The following WDR33 variants were observed in gnomAD, a reference collection of about 807,000 sequenced individuals.
WDR33 encodes WD repeat domain 33, also known as pre-mRNA 3' end processing protein WDR33.
WDR33 carries 47 observed loss-of-function variants against 164.9 expected under a neutral mutation model. The ratio of observed to expected loss-of-function variants is 0.29; its 90% CI spans 0.23 to 0.36. The LOEUF (loss-of-function observed/expected upper bound fraction) is 0.36, where lower values mean the gene tolerates loss of function less well. Ranked by LOEUF, WDR33 falls within the 10% of genes least tolerant of loss-of-function variation. WDR33 has a pLI of 1.00. For synonymous variants in WDR33, 505 were observed against 589.0 expected (o/e 0.86, Z 2.06); for missense variants, 1,137 against 1,754.1 (o/e 0.65, Z 6.28).
intron 7 of WDR33, among the ~76,000 whole-genome samples, chr2:127,734,515 C>A (rs1483984584): frequency 6.6e-6 from 1 of 152,196 alleles, no homozygotes; most frequent in Non-Finnish European, 1.5e-5. Flanking sequence ...GTACAGCAAA[C>A]AGGAAGTAAA....
chr2:127,706,332 C>G lies in WDR33; in HGVS notation c.4002G>C (p.Arg1334Ser), dbSNP rs1190829567. Residue 1334 changes from arginine (R) to serine (S), a missense_variant, in exon 22 of 22, where the codon AGG becomes AGC. Arg to Ser is a moderately radical substitution (Grantham distance 110). Coordinates refer to ENST00000322313, the MANE Select transcript of WDR33 (RefSeq NM_018383.5). The surrounding 1 kb of genome is among the most constrained non-coding windows in gnomAD (Gnocchi z 5.1). ...PRRGASRGGG[R>S]GR ...TACTCAGTTCCAGCTTCTACCGACC[C>G]CTTCCACCACCCCGTGAAGCTCCTC... 1 of 1,567,676 alleles carries G rather than the reference C, an allele frequency of 6.4e-7. No homozygotes were observed. The highest frequency in any genetic ancestry group is 2.3e-5 in the East Asian group (1 of 44,336).
Position 127,735,372 on chromosome 2 carries a change from AAC to A in WDR33, c.725-8597_725-8596del. 1.0e-6 allele frequency: 1 copy of A among 985,722 alleles called. No individual in the cohort carries two copies. The highest frequency in any genetic ancestry group is 1.2e-6 in the Non-Finnish European group (1 of 829,834). The allele number at this position is 985,722 out of a possible 1,614,324, so 61.1% of individuals were successfully genotyped here. On this transcript the variant is annotated intron_variant, in intron 7 of 21. Transcript: ENST00000322313. The surrounding 1 kb of genome is among the most constrained non-coding windows in gnomAD (Gnocchi z 4.3). Reference sequence around the variant, plus strand: ...GTCCATAGGATCCCAAAGCTCGGTGAACAGTCTGAAAACCAATACATAATAAG... The same window carrying A: ...GTCCATAGGATCCCAAAGCTCGGTGAAGTCTGAAAACCAATACATAATAAG...
intron 1 of WDR33, among the ~76,000 whole-genome samples, chr2:127,802,758 C>T (rs1194889821): frequency 6.6e-6 from 1 of 152,004 alleles, no homozygotes; most frequent in Non-Finnish European, 1.5e-5. Context: ...GAGGGAGGAA[C>T]CGATGACCCC....
chr2:127,758,604 T>G (rs79280743), intron 7 of WDR33, among the ~76,000 whole-genome samples: 1 of 152,180 alleles, frequency 6.6e-6, no homozygotes, highest in African/African-American at 2.4e-5. Flanking sequence ...CGCTGAAACT[T>G]GTTAACTGAT....
intron 1 of WDR33, among the ~76,000 whole-genome samples, chr2:127,805,977 G>C (rs886372588): frequency 4.0e-5 from 6 of 151,204 alleles, no homozygotes; most frequent in Non-Finnish European, 8.8e-5. Context: ...CGCAGGTGTG[G>C]TGGCTCACAC....
chr2:127,759,414 G>A (rs1231878870), intron 7 of WDR33, among the ~76,000 whole-genome samples: 1 of 152,198 alleles, frequency 6.6e-6, no homozygotes. Context: ...CTACAGGCCA[G>A]GCACGGTGGC....
In WDR33 at chr2:127,703,656, G is replaced by GT. The variant is rs1183976412; in HGVS notation, c.*2666dup. ...GGCTGCTTGTGAGAGAGCAAATGCAGTATCTTCAGAATGATTTATTTTTTT... is the reference window on the plus strand; with the variant it reads ...GGCTGCTTGTGAGAGAGCAAATGCAGTTATCTTCAGAATGATTTATTTTTTT... On this transcript the variant is annotated 3_prime_UTR_variant, in exon 22 of 22. Transcript: ENST00000322313. 4.8e-5 allele frequency: 8 copies of GT among 167,048 alleles called. No individual in the cohort carries two copies. The Admixed American group carries it at 5.2e-4, about 11-fold the overall frequency. 10.3% of individuals were successfully genotyped at this position (167,048 alleles called of 1,614,324 possible).
intron 7 of WDR33, among the ~76,000 whole-genome samples, chr2:127,730,182 A>G (rs922630807): frequency 6.6e-6 from 1 of 152,238 alleles, no homozygotes; most frequent in African/African-American, 2.4e-5. Context: ...CTTACTTGAT[A>G]ACAGTGGATT....
At position 127,716,148 on chromosome 2, in the gene WDR33, A is replaced by G. The variant is rs915025107; in HGVS notation, c.2869+1007T>C. On this transcript the variant is annotated intron_variant, in intron 17 of 21. Transcript: ENST00000322313. The surrounding 1 kb of genome is among the most constrained non-coding windows in gnomAD (Gnocchi z 4.5). ...TGCTACCACTTCCACACAATGGGAC[A>G]GAAATAAACACTCTCTAGTTCCCTT... Among the ~76,000 whole-genome samples, 103 of 152,336 alleles carry G rather than the reference A, an allele frequency of 6.8e-4. No homozygotes were observed. The highest frequency in any genetic ancestry group is 2.5e-3 in the African/African-American group (102 of 41,556).
In WDR33 at chr2:127,720,818, C is replaced by G. The variant is rs141464006; in HGVS notation, c.1672-465G>C. ...CAGCTGATCCTCCCGCCTCGCCTCCCAAAGTGCTGGGATTACAGGCGTGAG... is the reference window on the plus strand; with the variant it reads ...CAGCTGATCCTCCCGCCTCGCCTCCGAAAGTGCTGGGATTACAGGCGTGAG... On this transcript the variant is annotated intron_variant, in intron 15 of 21. Coordinates refer to ENST00000322313, the MANE Select transcript of WDR33 (RefSeq NM_018383.5). This position sits in a 1 kb window ranked among gnomAD's most constrained non-coding sequence, Gnocchi z 5.9. 0.024 allele frequency among the ~76,000 whole-genome samples: 3,612 copies of G among 152,304 alleles called. 140 individuals carry two copies. The highest frequency in any genetic ancestry group is 0.082 in the African/African-American group (3,401 of 41,548).
In WDR33 at chr2:127,738,034, G is replaced by A. The variant is rs753332052; in HGVS notation, c.725-11257C>T. ...CTCTTGACAGAAAGGAAGTAACAAC[G>A]GCAGTGATGAAAACATGTATCTATC... is the stretch of plus-strand genomic sequence containing the variant. On this transcript the variant is annotated intron_variant, in intron 7 of 21. Coordinates refer to ENST00000322313, the MANE Select transcript of WDR33 (RefSeq NM_018383.5). The surrounding 1 kb of genome is among the most constrained non-coding windows in gnomAD (Gnocchi z 4.4). 5.6e-6 allele frequency: 9 copies of A among 1,612,844 alleles called. No homozygotes were observed. The highest frequency in any genetic ancestry group is 2.2e-5 in the East Asian group (1 of 44,782).
chr2:127,754,892 T>C (rs959787234), intron 7 of WDR33, among the ~76,000 whole-genome samples: 7 of 152,330 alleles, frequency 4.6e-5, no homozygotes, highest in African/African-American at 1.7e-4. Flanking sequence ...AAGTCTCTTT[T>C]AACCCAGCTA....
Position 127,768,290 on chromosome 2 carries a change from C to A in WDR33, c.277G>T (p.Val93Phe). 6.5e-7 allele frequency: 1 copy of A among 1,537,270 alleles called. No individual in the cohort carries two copies. The highest frequency in any genetic ancestry group is 1.3e-5 in the South Asian group (1 of 77,764). The change falls in exon 4 of 22, where the codon GTC becomes TTC. Residue 93 changes from valine to phenylalanine, a missense_variant. Around this residue, in one of 9 missense-constraint regions of WDR33, gnomAD observed 55 missense variants for 84.6 expected, o/e 0.65. Transcript: ENST00000322313. The part of the protein sequence containing the change: ...QPDAGYYNDL[V>F]PPIGMLNNPM... ...TTATTCAACATTCCTATAGGTGGGA[C>A]CAGCTACAAAAAAGGAAAATTGGGT...
Position 127,709,941 on chromosome 2 carries a change from G to A in WDR33, c.3309-85C>T. On this transcript the variant is annotated intron_variant, in intron 18 of 21. Transcript: ENST00000322313. This position sits in a 1 kb window ranked among gnomAD's most constrained non-coding sequence, Gnocchi z 5.0. ...TGTTTCAAAGAAGCATATGATATGAGAAAGCATGATACAATGTTAATTGGG... is the reference window on the plus strand; with the variant it reads ...TGTTTCAAAGAAGCATATGATATGAAAAAGCATGATACAATGTTAATTGGG... The A allele has an allele frequency of 6.7e-7, 1 of 1,482,380 alleles. No homozygotes were observed. 91.8% of individuals were successfully genotyped at this position (1,482,380 alleles called of 1,614,324 possible). A position where few individuals can be genotyped will look rare whatever the true frequency, so the allele number is the denominator to read the frequency against.
rs186882121 is a variant in WDR33, at chr2:127,734,155, T to C, written c.725-7378A>G. 6.7e-4 allele frequency among the ~76,000 whole-genome samples: 102 copies of C among 152,344 alleles called. 1 individual carries two copies. The highest frequency in any genetic ancestry group is 4.7e-3 in the Admixed American group (72 of 15,300). The stretch of plus-strand genomic sequence containing the variant: ...ATTTAGGGATAAATACATAATTCTT[T>C]TGACTATTTAATAAGTAAACATATT... On this transcript the variant is annotated intron_variant, in intron 7 of 21. Coordinates refer to ENST00000322313, the MANE Select transcript of WDR33 (RefSeq NM_018383.5).
At chr2:127,768,871 A>T in intron 3 of WDR33, 62 bp downstream of exon 3, 1 of 1,301,588 alleles carries the variant, frequency 7.7e-7, no homozygotes, top group Non-Finnish European at 1.1e-6. Context: ...TCACACAGTG[A>T]AGGCTAAAAT....
intron 7 of WDR33, among the ~76,000 whole-genome samples, chr2:127,745,419 A>G (rs1453726380): frequency 6.6e-6 from 1 of 152,198 alleles, no homozygotes; most frequent in African/African-American, 2.4e-5. Context: ...AACATACTGA[A>G]CACAAAATCA....
At position 127,714,855 on chromosome 2, in the gene WDR33, T is replaced by C. The variant is rs1349235832; in HGVS notation, c.2870-834A>G. 1.3e-5 allele frequency among the ~76,000 whole-genome samples: 2 copies of C among 152,242 alleles called. No individual in the cohort carries two copies. Among genetic ancestry groups the C allele is most frequent in the South Asian group, 4.1e-4 (2 of 4,830 alleles). On this transcript the variant is annotated intron_variant, in intron 17 of 21. Coordinates refer to ENST00000322313, the MANE Select transcript of WDR33 (RefSeq NM_018383.5). The surrounding 1 kb of genome is among the most constrained non-coding windows in gnomAD (Gnocchi z 4.3). The stretch of plus-strand genomic sequence containing the variant: ...AGCTTTTATAAATGTTTACCTATTT[T>C]TGGTTAACATACAATTTAAATCAAA...
intron 7 of WDR33, among the ~76,000 whole-genome samples, chr2:127,731,362 AAG>A (rs1398660539): frequency 6.6e-6 from 1 of 151,978 alleles, no homozygotes; most frequent in African/African-American, 2.4e-5. Context: ...CAGTGTTAAT[AAG>A]AGAGAGAGTA....
Sources: gnomAD v4.1 joint callset for allele counts (sites outside exome capture counted in the v4.1 genomes callset) on GRCh38, gnomAD v4.1.1 for gene constraint, gnomAD v4.1.1 regional missense constraint, Gnocchi (gnomAD v3.1) non-coding constraint, MANE v1.5 for transcripts, NCBI Gene and HGNC (gene_info 2026-07-23, HGNC 2026-07-21) for gene names.